DNAH9: variants seen among roughly 807,000 people sequenced by gnomAD.
DNAH9 encodes dynein axonemal heavy chain 9.
Under a neutral mutation model 471.6 loss-of-function variants are expected in DNAH9, and 345 were observed. That is an observed-to-expected ratio of 0.73 (90% CI 0.67 to 0.80). The LOEUF is 0.80. Among genes scored for constraint, DNAH9 ranks in the 30% least tolerant of loss-of-function variants. DNAH9 has a pLI of 0.00. For synonymous variants in DNAH9, 2,093 were observed against 2,123.6 expected, an observed-to-expected ratio of 0.99 and a Z score of 0.40; for missense variants, 5,407 against 5,609.2, an observed-to-expected ratio of 0.96 and a Z score of 1.15.
intron 26 of DNAH9, among the ~76,000 whole-genome samples, chr17:11,709,915 T>C (rs1332736500): frequency 1.3e-5 from 2 of 152,174 alleles, no homozygotes; most frequent in African/African-American, 4.8e-5. Flanking sequence ...ATATAATTGA[T>C]GCAAGAGTCT....
chr17:11,748,650 G>A (rs1230717906), intron 32 of DNAH9, among the ~76,000 whole-genome samples: 1 of 152,118 alleles, frequency 6.6e-6, no homozygotes, highest in Non-Finnish European at 1.5e-5. Context: ...TGATTCAGAG[G>A]CCCCCAACCC....
At chr17:11,765,854 C>T (rs973877495) in intron 36 of DNAH9, among the ~76,000 whole-genome samples, 5 of 152,160 alleles carry the variant, frequency 3.3e-5, no homozygotes, top group Non-Finnish European at 5.9e-5. Flanking sequence ...CAGTCTCTGA[C>T]CTGTGGGCTG....
intron 36 of DNAH9, among the ~76,000 whole-genome samples, chr17:11,767,844 C>T (rs532420327): frequency 1.6e-4 from 25 of 152,240 alleles, no homozygotes; most frequent in African/African-American, 5.8e-4. Flanking sequence ...ACCAGTACAG[C>T]TCTGTCTCCC....
chr17:11,961,977 A>C lies in DNAH9; in HGVS notation c.12954A>C (p.Ala4318=). 1 of 1,614,182 alleles carries C rather than the reference A, an allele frequency of 6.2e-7. No individual in the cohort carries two copies. The highest frequency in any genetic ancestry group is 8.5e-7 in the Non-Finnish European group (1 of 1,180,036). The change falls in exon 68 of 69, where the codon GCA becomes GCC. Residue 4318 remains alanine (A), a synonymous_variant. Coordinates refer to ENST00000262442, the MANE Select transcript of DNAH9 (RefSeq NM_001372.4). The stretch of plus-strand genomic sequence containing the variant: ...CCTACCCTTCCACAGCAGGCCTGGC[A>C]GCCTGGTTTCCAGACCTCCTCAACA... ...RRAYPSTAGL[A]AWFPDLLNRI... is the part of the protein sequence containing the mutation.
At chr17:11,643,840 T>TC (rs1241905486) in intron 10 of DNAH9, among the ~76,000 whole-genome samples, 5 of 152,238 alleles carry the variant, frequency 3.3e-5, no homozygotes, top group African/African-American at 1.2e-4. Flanking sequence ...CGAGTGACTG[T>TC]CCTGAGTATT....
intron 49 of DNAH9, among the ~76,000 whole-genome samples, chr17:11,846,913 G>T (rs370681716): frequency 6.9e-6 from 1 of 144,114 alleles, no homozygotes; most frequent in Middle Eastern, 3.4e-3. Context: ...GGCTGAGACA[G>T]TGGGGTTTTC....
chr17:11,672,334 C>T (rs2073985592), intron 17 of DNAH9, among the ~76,000 whole-genome samples: 1 of 152,204 alleles, frequency 6.6e-6, no homozygotes, highest in Non-Finnish European at 1.5e-5. Flanking sequence ...TTCATCTTGT[C>T]TCATCACCGT....
In DNAH9 at chr17:11,640,329, G is replaced by A. The variant is rs768533458; in HGVS notation, c.1846G>A (p.Glu616Lys). ...GGCTGGCGGCCTCCGCTGGGCACAGGAGCTGAGGCAGCGCATCCAGGGTCC... is the reference window on the plus strand; with the variant it reads ...GGCTGGCGGCCTCCGCTGGGCACAGAAGCTGAGGCAGCGCATCCAGGGTCC... ...TVAGGLRWAQ[E>K]LRQRIQGPFS... Residue 616 changes from glutamate (E) to lysine (K), a missense_variant, in exon 10 of 69, where the codon GAG becomes AAG. Glu to Lys is a moderately conservative substitution (Grantham distance 56, BLOSUM62 1). This residue lies in a region of DNAH9 where 4,636 missense variants were observed against 4,900.3 expected (regional missense o/e 0.95). Coordinates refer to ENST00000262442, the MANE Select transcript of DNAH9 (RefSeq NM_001372.4). The A allele has an allele frequency of 6.2e-7, 1 of 1,614,012 alleles. No individual in the cohort carries two copies. Among genetic ancestry groups the A allele is most frequent in the Non-Finnish European group, 8.5e-7 (1 of 1,179,994 alleles).
chr17:11,822,551 A>G lies in DNAH9; in HGVS notation c.8964A>G (p.Ala2988=), dbSNP rs1228194376. The change falls in exon 47 of 69, where the codon GCA becomes GCG. Residue 2988 remains alanine (A), a synonymous_variant. Coordinates refer to ENST00000262442, the MANE Select transcript of DNAH9 (RefSeq NM_001372.4). ...GGTTCCACGAGTGGCCTCAGCAAGC[A>G]TTGGAGTCTGTCAGCCTCCGCTTCT... The part of the protein sequence containing the change: ...IHWFHEWPQQ[A]LESVSLRFLQ... 2 of 1,614,184 alleles carry G rather than the reference A, an allele frequency of 1.2e-6. No homozygotes were observed. The highest frequency in any genetic ancestry group is 3.3e-5 in the Admixed American group (2 of 60,020).
chr17:11,753,325 C>T (rs1476155849), intron 33 of DNAH9, among the ~76,000 whole-genome samples: 1 of 152,076 alleles, frequency 6.6e-6, no homozygotes, highest in African/African-American at 2.4e-5. Flanking sequence ...AGAAACATTC[C>T]AAGCCTGTCA....
At chr17:11,701,019 TG>T in intron 23 of DNAH9, 102 bp from the exon 24 acceptor site, 1 of 1,263,952 alleles carries the variant, frequency 7.9e-7, no homozygotes, top group Non-Finnish European at 1.1e-6. Flanking sequence ...ATACAATGTG[TG>T]GGCTCCCTTT....
intron 19 of DNAH9, among the ~76,000 whole-genome samples, chr17:11,684,762 C>T (rs544765522): frequency 6.6e-6 from 1 of 152,254 alleles, no homozygotes; most frequent in African/African-American, 2.4e-5. Flanking sequence ...GGGGTGCTGT[C>T]CTACATGACA....
chr17:11,752,492 G>A (rs536741219), intron 32 of DNAH9, among the ~76,000 whole-genome samples: 27 of 151,966 alleles, frequency 1.8e-4, no homozygotes, highest in East Asian at 9.7e-4. Flanking sequence ...TGGTGAAACC[G>A]CGTCTCTACT....
chr17:11,969,458 C>T lies in DNAH9; in HGVS notation c.13392C>T (p.Phe4464=). The T allele has an allele frequency of 1.2e-6, 2 of 1,613,968 alleles. No individual in the cohort carries two copies. ...GGGGACCCACCTACGTGTGGACTTT[C>T]AACCTGAAGACTAAGGAAAACCCAT... is the stretch of plus-strand genomic sequence containing the variant. The part of the protein sequence containing the change: ...SQRGPTYVWT[F]NLKTKENPSK... Residue 4464 remains phenylalanine, a synonymous_variant, in exon 69 of 69, where the codon TTC becomes TTT. Coordinates refer to ENST00000262442, the MANE Select transcript of DNAH9 (RefSeq NM_001372.4).
chr17:11,861,493 A>T (rs920647039), intron 50 of DNAH9, among the ~76,000 whole-genome samples: 3 of 152,112 alleles, frequency 2.0e-5, no homozygotes, highest in Non-Finnish European at 4.4e-5. Flanking sequence ...ATACGTGTGC[A>T]TATGTCTTTA....
chr17:11,658,747 T>C (rs952197154), intron 14 of DNAH9, among the ~76,000 whole-genome samples: 2 of 152,174 alleles, frequency 1.3e-5, no homozygotes, highest in Non-Finnish European at 2.9e-5. Context: ...CTGCATCTCC[T>C]GAGGTGGTTA....
At chr17:11,604,838 C>T (rs765384574) in intron 1 of DNAH9, among the ~76,000 whole-genome samples, 8 of 152,190 alleles carry the variant, frequency 5.3e-5, no homozygotes, top group South Asian at 2.1e-4. Context: ...TGTATTATAG[C>T]ACCAACTTGG....
chr17:11,675,597 A>T (rs1479587488), intron 17 of DNAH9, among the ~76,000 whole-genome samples: 2 of 152,144 alleles, frequency 1.3e-5, no homozygotes, highest in Non-Finnish European at 2.9e-5. Flanking sequence ...GCTTTATCTG[A>T]TTTTAAAATT....
At chr17:11,773,570 C>A (rs994984611) in intron 38 of DNAH9, among the ~76,000 whole-genome samples, 2 of 151,914 alleles carry the variant, frequency 1.3e-5, no homozygotes, top group African/African-American at 4.8e-5. Flanking sequence ...TATACACATA[C>A]ACATAATTTA....
Sources: allele counts gnomAD v4.1 joint callset (sites outside exome capture counted in the v4.1 genomes callset), GRCh38; gene constraint gnomAD v4.1.1; regional missense constraint gnomAD v4.1.1; transcripts MANE v1.5; gene names NCBI Gene and HGNC (gene_info 2026-07-23, HGNC 2026-07-21).